The following EGLN3 variants were observed in gnomAD, a reference collection of about 807,000 sequenced individuals.
EGLN3 encodes the protein prolyl hydroxylase EGLN3.
In EGLN3, 15 loss-of-function variants were observed where a neutral mutation model predicts 26.0. That is an observed-to-expected ratio of 0.58 (90% confidence interval 0.39 to 0.89). EGLN3 has a LOEUF of 0.89. Among genes scored for constraint, EGLN3 ranks in the 40% least tolerant of loss-of-function variants. The pLI, the probability that EGLN3 is intolerant of heterozygous loss-of-function variation, is 0.00. For missense variants in EGLN3, 238 were observed against 311.6 expected (o/e 0.76, Z 1.78); for synonymous variants, 147 against 127.2 (o/e 1.16, Z -1.05).
intron 3 of EGLN3, among the ~76,000 whole-genome samples, chr14:33,928,611 A>G (rs2064378857): frequency 6.6e-6 from 1 of 152,234 alleles, no homozygotes; most frequent in Non-Finnish European, 1.5e-5. Context: ...GGAAAAGACA[A>G]AAAGAGAAAG....
intron 1 of EGLN3, among the ~76,000 whole-genome samples, chr14:33,945,531 T>C (rs1490856130): frequency 2.0e-5 from 3 of 152,194 alleles, no homozygotes; most frequent in Non-Finnish European, 4.4e-5. Flanking sequence ...GAGGTGGCCA[T>C]TGTGGGGCAG....
Position 33,927,018 on chromosome 14 carries a change from G to C in EGLN3, c.630C>G (p.Val210=). 1.9e-6 allele frequency: 3 copies of C among 1,608,698 alleles called. No individual in the cohort carries two copies. The highest frequency in any genetic ancestry group is 2.5e-6 in the Non-Finnish European group (3 of 1,177,632). Residue 210 remains valine, a synonymous_variant, in exon 4 of 5, where the codon GTC becomes GTG. Transcript: ENST00000250457. ...CCCTTTCTTCAGCATCAAAGTACCA[G>C]ACAGTCATAGCATATCTGTGAAAGA... ...PSYATRYAMT[V]WYFDAEERAE...
chr14:33,947,021 G>GTATTGA (rs1311130813), intron 1 of EGLN3, among the ~76,000 whole-genome samples: 2 of 152,250 alleles, frequency 1.3e-5, no homozygotes, highest in African/African-American at 4.8e-5. Context: ...ATAGCACAGT[G>GTATTGA]CCAGACAATA....
At chr14:33,939,568 T>A (rs145688771) in intron 1 of EGLN3, among the ~76,000 whole-genome samples, 1 of 152,196 alleles carries the variant, frequency 6.6e-6, no homozygotes, top group Non-Finnish European at 1.5e-5. Flanking sequence ...GAAAAACAGA[T>A]CTGCTGAATG....
rs1323132608 is a variant in EGLN3, at chr14:33,950,757, C to T, written c.-5G>A. On this transcript the variant is annotated 5_prime_UTR_variant, in exon 1 of 5. Coordinates refer to ENST00000250457, the MANE Select transcript of EGLN3 (RefSeq NM_022073.4). ...CATGATGTGTCCCAGGGGCATCTCG[C>T]CCGCAGAATCGAGGTCCGGGATCCC... The T allele has an allele frequency of 6.3e-7, 1 of 1,596,138 alleles. No homozygotes were observed. The highest frequency in any genetic ancestry group is 1.7e-5 in the Admixed American group (1 of 59,222).
intron 1 of EGLN3, among the ~76,000 whole-genome samples, chr14:33,935,243 A>C (rs1417165158): frequency 6.6e-6 from 1 of 152,196 alleles, no homozygotes; most frequent in Non-Finnish European, 1.5e-5. Context: ...AATGTTAGCT[A>C]TTTTTAAAGA....
At chr14:33,932,526 G>A (rs2064412013) in intron 1 of EGLN3, among the ~76,000 whole-genome samples, 2 of 151,996 alleles carry the variant, frequency 1.3e-5, no homozygotes, top group Non-Finnish European at 2.9e-5. Flanking sequence ...ATGAAAACAC[G>A]GAACTAGGCA....
rs530951012 is a variant in EGLN3 at position 33,947,179 on chromosome 14, A to G, written c.357+3217T>C. 3.2e-4 allele frequency among the ~76,000 whole-genome samples: 49 copies of G among 152,352 alleles called. No homozygotes were observed. In the South Asian group the frequency reaches 0.01, roughly 32 times the overall value. ...TTTTCAAGATCTAGGCAGCCAAAGA[A>G]AAAGGAGCAAATTATGACCAATATT... On this transcript the variant is annotated intron_variant, in intron 1 of 4. Coordinates refer to ENST00000250457, the MANE Select transcript of EGLN3 (RefSeq NM_022073.4).
chr14:33,940,718 A>G (rs2064476682), intron 1 of EGLN3, among the ~76,000 whole-genome samples: 2 of 151,978 alleles, frequency 1.3e-5, no homozygotes, highest in African/African-American at 2.4e-5. Flanking sequence ...CCTCACCCTA[A>G]ATGATAAAGG....
intron 4 of EGLN3, among the ~76,000 whole-genome samples, chr14:33,926,484 T>C (rs1049032404): frequency 6.6e-6 from 1 of 152,164 alleles, no homozygotes; most frequent in Non-Finnish European, 1.5e-5. Context: ...TGCAACGTAT[T>C]TTGGGAAATG....
chr14:33,925,728 C>G lies in EGLN3; in HGVS notation c.*163G>C. The G allele has an allele frequency of 1.3e-6, 1 of 757,210 alleles. No individual in the cohort carries two copies. The highest frequency in any genetic ancestry group is 1.8e-5 in the South Asian group (1 of 54,646). 46.9% of individuals were successfully genotyped at this position (757,210 alleles called of 1,614,324 possible). A position where few individuals can be genotyped will look rare whatever the true frequency, so the allele number is the denominator to read the frequency against. On this transcript the variant is annotated 3_prime_UTR_variant, in exon 5 of 5. Coordinates refer to ENST00000250457, the MANE Select transcript of EGLN3 (RefSeq NM_022073.4). ...TATCTGAAGATCAACACAGTCTTGG[C>G]AAGAAAACATGAAGTACCACACACA...
intron 2 of EGLN3, among the ~76,000 whole-genome samples, chr14:33,929,675 A>T (rs2064388175): frequency 6.6e-6 from 1 of 152,122 alleles, no homozygotes; most frequent in African/African-American, 2.4e-5. Flanking sequence ...TTTTATATCA[A>T]ACTTAGCTAG....
At chr14:33,947,513 G>A (rs973965120) in intron 1 of EGLN3, among the ~76,000 whole-genome samples, 2 of 151,968 alleles carry the variant, frequency 1.3e-5, no homozygotes, top group African/African-American at 4.8e-5. Context: ...CTTTGCTATT[G>A]TTTCATTGAG....
chr14:33,925,649 G>A lies in EGLN3; in HGVS notation c.*242C>T. On this transcript the variant is annotated 3_prime_UTR_variant, in exon 5 of 5. Transcript: ENST00000250457. ...TATCAGGTAAACCGCTGGCCGAGTAGGATGTCTGCAGGAATTTCTGGAGTT... is the reference window on the plus strand; with the variant it reads ...TATCAGGTAAACCGCTGGCCGAGTAAGATGTCTGCAGGAATTTCTGGAGTT... The A allele has an allele frequency of 1.8e-6, 1 of 541,702 alleles. No homozygotes were observed. Among genetic ancestry groups the A allele is most frequent in the East Asian group, 3.1e-5 (1 of 32,270 alleles). The allele number at this position is 541,702 out of a possible 1,614,324, so 33.6% of individuals were successfully genotyped here. A position where few individuals can be genotyped will look rare whatever the true frequency, so the allele number is the denominator to read the frequency against.
At chr14:33,938,184 C>G (rs1050711733) in intron 1 of EGLN3, among the ~76,000 whole-genome samples, 3 of 152,160 alleles carry the variant, frequency 2.0e-5, no homozygotes, top group Admixed American at 2.0e-4. Flanking sequence ...TTGAACTGTG[C>G]GGGATCAAGA....
chr14:33,927,423 T>G (rs1177462986), intron 3 of EGLN3, among the ~76,000 whole-genome samples: 1 of 152,138 alleles, frequency 6.6e-6, no homozygotes, highest in African/African-American at 2.4e-5. Context: ...CCTCCCAAAG[T>G]GCTGGGATTG....
chr14:33,926,876 A>T, intron 4 of EGLN3, 84 bp downstream of exon 4: 1 of 995,096 alleles, frequency 1.0e-6, no homozygotes, highest in Non-Finnish European at 1.5e-6. Flanking sequence ...CAGATTGAAC[A>T]GAACATGTTT....
At chr14:33,939,257 C>T (rs982253512) in intron 1 of EGLN3, among the ~76,000 whole-genome samples, 5 of 151,542 alleles carry the variant, frequency 3.3e-5, no homozygotes, top group African/African-American at 1.2e-4. Context: ...GTCACCCAGG[C>T]TGGAGTGCAC....
At chr14:33,946,474 G>C (rs1486413864) in intron 1 of EGLN3, among the ~76,000 whole-genome samples, 1 of 152,098 alleles carries the variant, frequency 6.6e-6, no homozygotes, top group Admixed American at 6.6e-5. Flanking sequence ...AATGTTTGAG[G>C]GTTTTCTTAA....
Sources: allele counts gnomAD v4.1 joint callset (sites outside exome capture counted in the v4.1 genomes callset), GRCh38; gene constraint gnomAD v4.1.1; transcripts MANE v1.5; gene names NCBI Gene and HGNC (gene_info 2026-07-23, HGNC 2026-07-21).